MLLT1: variants seen among roughly 807,000 people sequenced by gnomAD.
MLLT1 encodes the protein protein ENL.
In MLLT1, 11 loss-of-function variants were observed where a neutral mutation model predicts 55.1. The observed-to-expected ratio is 0.20, with a 90% CI of 0.13 to 0.33. The LOEUF (loss-of-function observed/expected upper bound fraction) is 0.33, where lower values mean the gene tolerates loss of function less well. MLLT1 is among the 10% of genes least tolerant of loss of function. The pLI, the probability that MLLT1 is intolerant of heterozygous loss-of-function variation, is 1.00. For missense variants in MLLT1, 536 were observed against 760.6 expected (o/e 0.70, Z 3.47); for synonymous variants, 323 against 320.1 (o/e 1.01, Z -0.10).
rs1334271015 is a variant in MLLT1 at position 6,230,220 on chromosome 19, G to A, written c.420+350C>T. 6.6e-6 allele frequency among the ~76,000 whole-genome samples: 1 copy of A among 152,188 alleles called. No homozygotes were observed. Among genetic ancestry groups the A allele is most frequent in the Admixed American group, 6.5e-5 (1 of 15,288 alleles). On this transcript the variant is annotated intron_variant, in intron 4 of 11. Coordinates refer to ENST00000252674, the MANE Select transcript of MLLT1 (RefSeq NM_005934.4). The surrounding 1 kb of genome is among the most constrained non-coding windows in gnomAD (Gnocchi z 9.0). ...AGGTGATGGCGATGCGCACGGCAGG[G>A]GCCCTGTGCGGAGGCCCTGCCCAGC...
intron 2 of MLLT1, among the ~76,000 whole-genome samples, chr19:6,265,072 A>AAAAC (rs2091338569): frequency 2.1e-5 from 3 of 145,324 alleles, no homozygotes; most frequent in African/African-American, 7.6e-5. Flanking sequence ...AAACAAAAAA[A>AAAAC]AACATGATGT....
intron 6 of MLLT1, among the ~76,000 whole-genome samples, 164 bp downstream of exon 6, chr19:6,221,957 C>T (rs182689805): frequency 2.8e-4 from 43 of 152,356 alleles, no homozygotes; most frequent in South Asian, 1.2e-3. Context: ...AAACCGAAGC[C>T]TAGTGAGGCG....
At chr19:6,217,752 C>G (rs2090859130) in intron 7 of MLLT1, among the ~76,000 whole-genome samples, 2 of 152,214 alleles carry the variant, frequency 1.3e-5, no homozygotes, top group Admixed American at 1.3e-4. Context: ...AGGAACAGTG[C>G]CCCCGGGCCT....
chr19:6,216,735 C>G, intron 7 of MLLT1: 1 of 557,996 alleles, frequency 1.8e-6, no homozygotes, highest in South Asian at 2.1e-5. Context: ...CCCCTCCCTA[C>G]CTTCCTGGCC....
rs576675411 is a variant in MLLT1, at chr19:6,223,875, C to G, written c.547-1191G>C. 3.3e-5 allele frequency among the ~76,000 whole-genome samples: 5 copies of G among 152,326 alleles called. No homozygotes were observed. In the South Asian group the frequency reaches 1.0e-3, roughly 32 times the overall value. ...GGCTCCACCCTTGCTAGGAAAGGAG[C>G]AGCGGCCAGCAGGTGCACGGCGGCC... On this transcript the variant is annotated intron_variant, in intron 5 of 11. Transcript: ENST00000252674.
At chr19:6,265,516 C>A (rs1478553381) in intron 2 of MLLT1, among the ~76,000 whole-genome samples, 2 of 151,966 alleles carry the variant, frequency 1.3e-5, no homozygotes, top group Non-Finnish European at 2.9e-5. Flanking sequence ...AATAAAAATA[C>A]AAAATTAGCA....
intron 8 of MLLT1, among the ~76,000 whole-genome samples, chr19:6,215,856 C>T (rs1183222679): frequency 6.6e-6 from 1 of 152,196 alleles, no homozygotes; most frequent in African/African-American, 2.4e-5. Flanking sequence ...ATGGAGCTCT[C>T]CCAGGTGGGG....
At chr19:6,268,827 CAAACAAAAAACA>C (rs2144956158) in intron 2 of MLLT1, among the ~76,000 whole-genome samples, 1 of 152,244 alleles carries the variant, frequency 6.6e-6, no homozygotes, top group South Asian at 2.1e-4. Flanking sequence ...GGCAACACGA[CAAACAAAAAACA>C]AAACAAAACA....
At chr19:6,225,589 C>A (rs967797300) in intron 5 of MLLT1, among the ~76,000 whole-genome samples, 1 of 152,188 alleles carries the variant, frequency 6.6e-6, no homozygotes, top group African/African-American at 2.4e-5. Flanking sequence ...GCCCGATGCT[C>A]CCCACAGATG....
chr19:6,269,529 G>A (rs1016533266), intron 2 of MLLT1, among the ~76,000 whole-genome samples: 2 of 152,210 alleles, frequency 1.3e-5, no homozygotes, highest in East Asian at 1.9e-4. Flanking sequence ...TGAGGGAATC[G>A]CAGGTGGGCA....
At chr19:6,239,444 T>C (rs1234617197) in intron 3 of MLLT1, among the ~76,000 whole-genome samples, 1 of 152,178 alleles carries the variant, frequency 6.6e-6, no homozygotes, top group Non-Finnish European at 1.5e-5. Context: ...GAACACGACA[T>C]GGACCCTGGC....
intron 3 of MLLT1, among the ~76,000 whole-genome samples, chr19:6,241,421 C>CA (rs11448298): frequency 0.37 from 56,217 of 152,122 alleles, 13,093 homozygotes; most frequent in African/African-American, 0.66. Flanking sequence ...CACAAACAGT[C>CA]GGAAAGATGG....
At chr19:6,250,441 T>C (rs2091203527) in intron 3 of MLLT1, among the ~76,000 whole-genome samples, 1 of 152,206 alleles carries the variant, frequency 6.6e-6, no homozygotes, top group Non-Finnish European at 1.5e-5. Context: ...CTCAGAACTG[T>C]GAGGGATTGG....
In MLLT1 at chr19:6,216,478, C is replaced by A; in HGVS notation, c.1234G>T (p.Glu412Ter). The change falls in exon 8 of 12, where the codon GAG (glutamate) becomes TAG (stop). Residue 412 changes from glutamate to a stop codon, truncating the protein, a stop_gained. Coordinates refer to ENST00000252674, the MANE Select transcript of MLLT1 (RefSeq NM_005934.4). LOFTEE classifies it high-confidence loss of function. ...LRSMVEDLQS[E>*]ESDEDDSSSG... ...GAAGAGTCGTCCTCGTCGGACTCCT[C>A]GGACTGCAGGTCCTCCACCATGGAG... 6.2e-7 allele frequency: 1 copy of A among 1,606,062 alleles called. No individual in the cohort carries two copies. The highest frequency in any genetic ancestry group is 2.2e-5 in the East Asian group (1 of 44,598).
chr19:6,213,242 T>C (rs1465332012), intron 11 of MLLT1, 72 bp from the exon 12 acceptor site: 8 of 1,609,088 alleles, frequency 5.0e-6, no homozygotes, highest in Non-Finnish European at 5.9e-6. Context: ...CTAACAGAGG[T>C]AGGGGCTCCT....
intron 2 of MLLT1, among the ~76,000 whole-genome samples, chr19:6,266,276 C>CAAAA (rs35972478): frequency 6.8e-5 from 5 of 73,600 alleles, no homozygotes; most frequent in African/African-American, 1.5e-4. Context: ...ATTCTGTCTC[C>CAAAA]AAAAAAAAAA....
At chr19:6,245,590 A>T (rs1323386411) in intron 3 of MLLT1, among the ~76,000 whole-genome samples, 2 of 152,214 alleles carry the variant, frequency 1.3e-5, no homozygotes, top group African/African-American at 4.8e-5. Flanking sequence ...AGGCACCTGT[A>T]GTCCCAGCTA....
At chr19:6,275,874 G>T (rs1339568882) in intron 1 of MLLT1, among the ~76,000 whole-genome samples, 1 of 152,246 alleles carries the variant, frequency 6.6e-6, no homozygotes, top group African/African-American at 2.4e-5. Context: ...GGGGAGGCCT[G>T]GGACAGAGTA....
At chr19:6,234,607 G>C (rs1320550448) in intron 3 of MLLT1, among the ~76,000 whole-genome samples, 3 of 152,100 alleles carry the variant, frequency 2.0e-5, no homozygotes, top group Non-Finnish European at 4.4e-5. Flanking sequence ...TTGGCCGACA[G>C]CAGAGACGTG....
Sources: gnomAD v4.1 joint callset for allele counts (sites outside exome capture counted in the v4.1 genomes callset) on GRCh38, gnomAD v4.1.1 for gene constraint, Gnocchi (gnomAD v3.1) non-coding constraint, MANE v1.5 for transcripts, NCBI Gene and HGNC (gene_info 2026-07-23, HGNC 2026-07-21) for gene names.